ZBTB4: variants seen among roughly 807,000 people sequenced by gnomAD.
The protein encoded by ZBTB4 is zinc finger and BTB domain-containing protein 4.
ZBTB4 carries 14 observed loss-of-function variants against 59.8 expected under a neutral mutation model. The observed-to-expected ratio is 0.23, with a 90% CI of 0.15 to 0.37. The LOEUF (loss-of-function observed/expected upper bound fraction) is 0.37, where lower values mean the gene tolerates loss of function less well. ZBTB4 is among the 10% of genes least tolerant of loss of function. The pLI, the probability that ZBTB4 is intolerant of heterozygous loss-of-function variation, is 1.00. For synonymous variants in ZBTB4, 587 were observed against 575.2 expected (o/e 1.02, Z -0.29); for missense variants, 1,198 against 1,380.8 (o/e 0.87, Z 2.10).
At chr17:7,478,189 C>G (rs1361657104) in intron 1 of ZBTB4, among the ~76,000 whole-genome samples, 1 of 152,134 alleles carries the variant, frequency 6.6e-6, no homozygotes, top group African/African-American at 2.4e-5. Flanking sequence ...GCAGCCCAGA[C>G]AGGCTCCTAC....
chr17:7,483,496 G>C (rs1467163123), upstream of ZBTB4: 1 of 211,332 alleles, frequency 4.7e-6, no homozygotes, highest in South Asian at 6.9e-5. Flanking sequence ...CTCTGAATGT[G>C]GCTTGCAGTG....
intron 3 of ZBTB4, among the ~76,000 whole-genome samples, chr17:7,464,923 A>G (rs34474914): frequency 0.24 from 36,878 of 151,010 alleles, 6,106 homozygotes; most frequent in Non-Finnish European, 0.37. Flanking sequence ...TTGGGAGGCC[A>G]AGGCGGGTGG....
At position 7,460,772 on chromosome 17, in the gene ZBTB4, G is replaced by A. The variant is rs1283807079; in HGVS notation, c.*1168C>T. ...GGGATCTTTGGGTGTGGGGAACTGAGTCAAAGATGGGGTGTAAGGTGCTAT... is the reference window on the plus strand; with the variant it reads ...GGGATCTTTGGGTGTGGGGAACTGAATCAAAGATGGGGTGTAAGGTGCTAT... On this transcript the variant is annotated 3_prime_UTR_variant, in exon 4 of 4. Coordinates refer to ENST00000380599, the MANE Select transcript of ZBTB4 (RefSeq NM_001128833.2). The A allele has an allele frequency of 6.5e-6, 1 of 152,696 alleles. No individual in the cohort carries two copies. The highest frequency in any genetic ancestry group is 2.4e-5 in the African/African-American group (1 of 41,448). 9.5% of individuals were successfully genotyped at this position (152,696 alleles called of 1,614,324 possible). A position where few individuals can be genotyped will look rare whatever the true frequency, so the allele number is the denominator to read the frequency against.
rs779094627 is a variant in ZBTB4 at position 7,463,614 on chromosome 17, C to T, written c.1368G>A (p.Pro456=). The T allele has an allele frequency of 3.1e-5, 49 of 1,604,194 alleles. No homozygotes were observed. Among genetic ancestry groups the T allele is most frequent in the Non-Finnish European group, 3.8e-5 (45 of 1,175,408 alleles). The change falls in exon 4 of 4, where the codon CCG becomes CCA. Residue 456 remains proline, a synonymous_variant. Coordinates refer to ENST00000380599, the MANE Select transcript of ZBTB4 (RefSeq NM_001128833.2). ...GCTCTGGGGCAGGTGGAGGCCCAGG[C>T]GGCGGGCTGGCTGGCATTGCCACAG... The part of the protein sequence containing the change: ...PAPVAMPASP[P]PGPPPAPEPG...
intron 1 of ZBTB4, among the ~76,000 whole-genome samples, chr17:7,474,089 A>C (rs7215086): frequency 6.6e-6 from 1 of 151,914 alleles, no homozygotes; most frequent in African/African-American, 2.4e-5. Flanking sequence ...GCTAATTTTT[A>C]TATTTTTAGT....
rs1264922578 is a variant in ZBTB4 at position 7,460,307 on chromosome 17, T to C, written c.*1633A>G. The C allele has an allele frequency of 6.6e-6, 1 of 152,582 alleles. No homozygotes were observed. Among genetic ancestry groups the C allele is most frequent in the East Asian group, 1.9e-4 (1 of 5,184 alleles). The allele number at this position is 152,582 out of a possible 1,614,324, so 9.5% of individuals were successfully genotyped here. On this transcript the variant is annotated 3_prime_UTR_variant, in exon 4 of 4. Transcript: ENST00000380599. ...AGCCTGTCTAAAACCTCCCCTTTTG[T>C]ATATGCTGGGAGGGTATGAGGGGTA...
Position 7,463,852 on chromosome 17 carries a change from T to C in ZBTB4, c.1130A>G (p.Tyr377Cys). The C allele has an allele frequency of 6.2e-7, 1 of 1,613,988 alleles. No individual in the cohort carries two copies. The highest frequency in any genetic ancestry group is 8.5e-7 in the Non-Finnish European group (1 of 1,179,976). Residue 377 changes from tyrosine to cysteine, a missense_variant, in exon 4 of 4, where the codon TAC becomes TGC. Physicochemically the swap from Tyr to Cys is radical, Grantham distance 194 (BLOSUM62 -2). This residue lies in a region of ZBTB4 where 60 missense variants were observed against 93.0 expected (regional missense o/e 0.64). Coordinates refer to ENST00000380599, the MANE Select transcript of ZBTB4 (RefSeq NM_001128833.2). ...CIFCWETFVTYYNLKTHQRAF... is the reference protein window; with the variant it reads ...CIFCWETFVTCYNLKTHQRAF... ...TCGCTGGTGGGTCTTCAGGTTATAG[T>C]AAGTGACAAAGGTCTCCCAACAGAA...
In ZBTB4 at chr17:7,461,743, C is replaced by T; in HGVS notation, c.*197G>A. The T allele has an allele frequency of 4.3e-6, 2 of 467,076 alleles. No individual in the cohort carries two copies. Among genetic ancestry groups the T allele is most frequent in the Non-Finnish European group, 7.5e-6 (2 of 266,310 alleles). The allele number at this position is 467,076 out of a possible 1,614,324, so 28.9% of individuals were successfully genotyped here. A position where few individuals can be genotyped will look rare whatever the true frequency, so the allele number is the denominator to read the frequency against. On this transcript the variant is annotated 3_prime_UTR_variant, in exon 4 of 4. Transcript: ENST00000380599. ...CCCTGGAGGAAGACTGAGAGGGGAA[C>T]CTCGAAAGATCCCTTCCCAGGAGAT... is the stretch of plus-strand genomic sequence containing the variant.
chr17:7,465,675 C>G, intron 3 of ZBTB4, 36 bp downstream of exon 3: 2 of 1,562,080 alleles, frequency 1.3e-6, no homozygotes, highest in Non-Finnish European at 8.7e-7. Flanking sequence ...TGAGTGCCAG[C>G]CTCCAGCCGC....
At chr17:7,478,045 CTT>C (rs2070292909) in intron 1 of ZBTB4, among the ~76,000 whole-genome samples, 1 of 152,144 alleles carries the variant, frequency 6.6e-6, no homozygotes, top group African/African-American at 2.4e-5. Context: ...CCCACCGCCA[CTT>C]AAGCACACAG....
upstream of ZBTB4, chr17:7,482,477 A>G (rs1179063021): frequency 8.1e-6 from 13 of 1,613,856 alleles, no homozygotes; most frequent in Admixed American, 1.7e-5. Flanking sequence ...ACTGTTGGGC[A>G]GCATCCTAGG....
In ZBTB4 at chr17:7,466,567, C is replaced by T. The variant is rs1384643568; in HGVS notation, c.235G>A (p.Ala79Thr). The T allele has an allele frequency of 4.3e-6, 7 of 1,612,570 alleles. No individual in the cohort carries two copies. The highest frequency in any genetic ancestry group is 5.9e-6 in the Non-Finnish European group (7 of 1,179,330). The change falls in exon 3 of 4, where the codon GCC (alanine) becomes ACC (threonine). Residue 79 changes from alanine to threonine, a missense_variant. This residue lies in a region of ZBTB4 where 83 missense variants were observed against 76.5 expected (regional missense o/e 1.09). Transcript: ENST00000380599. This position sits in a 1 kb window ranked among gnomAD's most constrained non-coding sequence, Gnocchi z 9.1. ...GAGGAAGAGGCAGCTGTGGTGGTGG[C>T]AGGGTTGGGTGCGGCGCCCCCAGTA... ...PATGGAAPNP[A>T]TTTAASSSSS...
chr17:7,465,616 T>C, intron 3 of ZBTB4, 95 bp downstream of exon 3: 1 of 1,455,640 alleles, frequency 6.9e-7, no homozygotes, highest in Non-Finnish European at 9.1e-7. Context: ...TCAGGATAAC[T>C]TTCTAGGCCC....
intron 1 of ZBTB4, among the ~76,000 whole-genome samples, chr17:7,474,621 A>C (rs1422928174): frequency 6.6e-6 from 1 of 152,112 alleles, no homozygotes; most frequent in Non-Finnish European, 1.5e-5. Flanking sequence ...AAAACTGGTA[A>C]ATGAATGAAC....
chr17:7,473,379 T>C (rs1291476598), intron 1 of ZBTB4, among the ~76,000 whole-genome samples: 3 of 152,006 alleles, frequency 2.0e-5, no homozygotes, highest in Non-Finnish European at 4.4e-5. Flanking sequence ...CATCCCAAAG[T>C]GCAGGGATTA....
rs759442016 is a variant in ZBTB4, at chr17:7,462,790, C to T, written c.2192G>A (p.Cys731Tyr). ...TCTCAGGGTGGTGAAGGTCTGGGCA[C>T]AGTCCCCGCATCGGTGCCTCCGCTC... ...RTERRHRCGDCAQTFTTLRKL... is the reference protein window; with the variant it reads ...RTERRHRCGDYAQTFTTLRKL... The change falls in exon 4 of 4, where the codon TGT (cysteine) becomes TAT (tyrosine). Residue 731 changes from cysteine (C) to tyrosine (Y), a missense_variant. Coordinates refer to ENST00000380599, the MANE Select transcript of ZBTB4 (RefSeq NM_001128833.2). The surrounding 1 kb of genome is among the most constrained non-coding windows in gnomAD (Gnocchi z 7.5). 1 of 1,602,428 alleles carries T rather than the reference C, an allele frequency of 6.2e-7. No individual in the cohort carries two copies. The highest frequency in any genetic ancestry group is 8.5e-7 in the Non-Finnish European group (1 of 1,179,832).
chr17:7,463,400 C>T lies in ZBTB4; in HGVS notation c.1582G>A (p.Glu528Lys), dbSNP rs1158320996. 1 of 1,588,178 alleles carries T rather than the reference C, an allele frequency of 6.3e-7. No homozygotes were observed. The highest frequency in any genetic ancestry group is 1.3e-5 in the African/African-American group (1 of 74,414). The change falls in exon 4 of 4, where the codon GAG becomes AAG. Residue 528 changes from glutamate (E) to lysine (K), a missense_variant. By Grantham distance (56) the Glu-to-Lys change is moderately conservative. This residue lies in a region of ZBTB4 where 550 missense variants were observed against 541.8 expected (regional missense o/e 1.02). Transcript: ENST00000380599. ...KKREYPPPPP[E>K]PAATPTSPAT... ...GGGCTGGTGGGTGTGGCTGCAGGCT[C>T]AGGGGGAGGAGGTGGGTATTCTCGT...
intron 1 of ZBTB4, among the ~76,000 whole-genome samples, chr17:7,473,598 G>GTACAA (rs1350353206): frequency 6.6e-6 from 1 of 152,038 alleles, no homozygotes; most frequent in Non-Finnish European, 1.5e-5. Flanking sequence ...CCAGGCTGCA[G>GTACAA]TACAATGGTG....
rs763531033 is a variant in ZBTB4 at position 7,466,032 on chromosome 17, C to T, written c.770G>A (p.Arg257Gln). Residue 257 changes from arginine to glutamine, a missense_variant, in exon 3 of 4, where the codon CGA (arginine) becomes CAA (glutamine). Arg to Gln is a conservative substitution (Grantham distance 43). Coordinates refer to ENST00000380599, the MANE Select transcript of ZBTB4 (RefSeq NM_001128833.2). The surrounding 1 kb of genome is among the most constrained non-coding windows in gnomAD (Gnocchi z 9.1). ...AGACCCCCGCGTGCTGGCCCCTCGT[C>T]GGCACTGGGCCTCATGGGTCTGCAG... The part of the protein sequence containing the change: ...KRLQTHEAQC[R>Q]RGASTRGSTG... The T allele has an allele frequency of 8.7e-6, 14 of 1,608,008 alleles. No individual in the cohort carries two copies. Among genetic ancestry groups the T allele is most frequent in the Middle Eastern group, 1.6e-4 (1 of 6,062 alleles).
Sources: allele counts gnomAD v4.1 joint callset (sites outside exome capture counted in the v4.1 genomes callset), GRCh38; gene constraint gnomAD v4.1.1; regional missense constraint gnomAD v4.1.1; non-coding constraint Gnocchi (gnomAD v3.1); transcripts MANE v1.5; gene names NCBI Gene and HGNC (gene_info 2026-07-23, HGNC 2026-07-21).